GNA14: variants seen among roughly 807,000 people sequenced by gnomAD.
GNA14 encodes guanine nucleotide-binding protein subunit alpha-14.
A neutral mutation model predicts 42.0 loss-of-function variants in GNA14; 50 were observed. The observed-to-expected ratio is 1.19, with a 90% CI of 0.95 to 1.51. The LOEUF (loss-of-function observed/expected upper bound fraction) is 1.51, where lower values mean the gene tolerates loss of function less well. Among genes scored for constraint, GNA14 ranks in the 40% most tolerant of loss-of-function variants. GNA14 has a pLI of 0.00. For missense variants in GNA14, 473 were observed against 446.2 expected, an observed-to-expected ratio of 1.06 and a Z score of -0.54; for synonymous variants, 173 against 163.1, an observed-to-expected ratio of 1.06 and a Z score of -0.46.
intron 1 of GNA14, among the ~76,000 whole-genome samples, chr9:77,585,979 C>T (rs1258445685): frequency 6.6e-6 from 1 of 152,094 alleles, no homozygotes; most frequent in Non-Finnish European, 1.5e-5. Context: ...AACAGTATTT[C>T]TATTTATTTT....
intron 2 of GNA14, among the ~76,000 whole-genome samples, chr9:77,487,468 A>T (rs547869529): frequency 1.0e-4 from 15 of 150,280 alleles, no homozygotes; most frequent in South Asian, 4.3e-4. Context: ...TTCCTTATCT[A>T]TAAAATAGGA....
At chr9:77,552,638 A>G (rs1587827777) in intron 1 of GNA14, among the ~76,000 whole-genome samples, 1 of 152,222 alleles carries the variant, frequency 6.6e-6, no homozygotes, top group Non-Finnish European at 1.5e-5. Flanking sequence ...GTTACCAAAG[A>G]CCCAATTCAC....
At position 77,644,437 on chromosome 9, in the gene GNA14, C is replaced by CAAAAAAAA. The variant is rs764737417; in HGVS notation, c.124+3225_124+3232dup. ...TACTGAACTCCAACCTAAAGAGTGTCAAAAAAAAAAAAAAAAAAAAAAAAA... is the reference window on the plus strand; with the variant it reads ...TACTGAACTCCAACCTAAAGAGTGTCAAAAAAAAAAAAAAAAAAAAAAAAAAAAAAAAA... On this transcript the variant is annotated intron_variant, in intron 1 of 6. Coordinates refer to ENST00000341700, the MANE Select transcript of GNA14 (RefSeq NM_004297.4). 5.9e-4 allele frequency among the ~76,000 whole-genome samples: 20 copies of CAAAAAAAA among 34,020 alleles called. 1 individual carries two copies. The highest frequency in any genetic ancestry group is 1.6e-3 in the African/African-American group (14 of 8,580). The allele number at this position is 34,020 out of a possible 152,430, so 22.3% of individuals were successfully genotyped here. A position where few individuals can be genotyped will look rare whatever the true frequency, so the allele number is the denominator to read the frequency against.
At chr9:77,622,007 T>C (rs1358849711) in intron 1 of GNA14, among the ~76,000 whole-genome samples, 1 of 152,194 alleles carries the variant, frequency 6.6e-6, no homozygotes, top group African/African-American at 2.4e-5. Context: ...CTCACCGCAA[T>C]CTTGAATCCC....
intron 1 of GNA14, among the ~76,000 whole-genome samples, chr9:77,609,424 CA>C (rs1823694654): frequency 6.6e-6 from 1 of 152,244 alleles, no homozygotes; most frequent in Middle Eastern, 3.4e-3. Flanking sequence ...AAGCCCTCAC[CA>C]AAATTGCCTT....
Position 77,569,561 on chromosome 9 carries a change from G to C in GNA14, c.125-40308C>G, listed in dbSNP as rs186231275. Among the ~76,000 whole-genome samples, 270 of 152,250 alleles carry C rather than the reference G, an allele frequency of 1.8e-3. 2 individuals are homozygous for C. The Middle Eastern group carries it at 0.024, about 14-fold the overall frequency. ...GTCAGAGGGAGACAACTCCACAGGAGACCACTCGGTATAGTGAGTTCCACC... is the reference window on the plus strand; with the variant it reads ...GTCAGAGGGAGACAACTCCACAGGACACCACTCGGTATAGTGAGTTCCACC... On this transcript the variant is annotated intron_variant, in intron 1 of 6. Coordinates refer to ENST00000341700, the MANE Select transcript of GNA14 (RefSeq NM_004297.4).
At chr9:77,578,318 G>T (rs1225872167) in intron 1 of GNA14, among the ~76,000 whole-genome samples, 1 of 152,100 alleles carries the variant, frequency 6.6e-6, no homozygotes, top group Non-Finnish European at 1.5e-5. Context: ...AGTCTTGCTT[G>T]CCTTTTATCT....
At chr9:77,446,638 G>A (rs7042331) in intron 2 of GNA14, among the ~76,000 whole-genome samples, 1 of 152,146 alleles carries the variant, frequency 6.6e-6, no homozygotes, top group African/African-American at 2.4e-5. Flanking sequence ...GAGAAGGGGT[G>A]GGGGGAGATG....
chr9:77,607,003 G>A (rs969192341), intron 1 of GNA14, among the ~76,000 whole-genome samples: 3 of 152,096 alleles, frequency 2.0e-5, no homozygotes, highest in Admixed American at 6.6e-5. Flanking sequence ...ACCAGAACCC[G>A]AATATGGTGG....
Position 77,467,000 on chromosome 9 carries a change from G to GGTGTGTGTGTGTGT in GNA14, c.310-32492_310-32479dup, listed in dbSNP as rs59321037. Among the ~76,000 whole-genome samples the GGTGTGTGTGTGTGT allele has an allele frequency of 1.5e-3, 213 of 143,612 alleles. 3 individuals carry two copies. In the Middle Eastern group the frequency reaches 0.017, roughly 12 times the overall value. 94.2% of individuals were successfully genotyped at this position (143,612 alleles called of 152,430 possible). On this transcript the variant is annotated intron_variant, in intron 2 of 6. Coordinates refer to ENST00000341700, the MANE Select transcript of GNA14 (RefSeq NM_004297.4). ...AGGGTTTTTTTGCCTTTTACCACTC[G>GGTGTGTGTGTGTGT]GTGTGTGTGTGTGTGTGTGTGTGTG... is the stretch of plus-strand genomic sequence containing the variant.
At chr9:77,431,941 A>G (rs2131689883) in intron 3 of GNA14, among the ~76,000 whole-genome samples, 1 of 152,348 alleles carries the variant, frequency 6.6e-6, no homozygotes, top group Non-Finnish European at 1.5e-5. Flanking sequence ...CAGGCCGAGG[A>G]GAAATTCAAA....
At chr9:77,566,738 T>C (rs1039809346) in intron 1 of GNA14, among the ~76,000 whole-genome samples, 1 of 152,098 alleles carries the variant, frequency 6.6e-6, no homozygotes, top group African/African-American at 2.4e-5. Context: ...TATTTGGAAG[T>C]TTTAATCTAC....
chr9:77,574,993 T>C (rs1366675085), intron 1 of GNA14, among the ~76,000 whole-genome samples: 2 of 152,166 alleles, frequency 1.3e-5, no homozygotes, highest in Non-Finnish European at 2.9e-5. Flanking sequence ...GTCTACCCTG[T>C]AGGGGGGAAG....
At chr9:77,575,272 A>G (rs527560030) in intron 1 of GNA14, among the ~76,000 whole-genome samples, 1 of 152,254 alleles carries the variant, frequency 6.6e-6, no homozygotes, top group South Asian at 2.1e-4. Flanking sequence ...AATCCCAGCT[A>G]CTCAGAAGCG....
intron 1 of GNA14, among the ~76,000 whole-genome samples, chr9:77,622,585 G>A (rs1318948795): frequency 6.6e-6 from 1 of 151,678 alleles, no homozygotes; most frequent in South Asian, 2.1e-4. Flanking sequence ...TGGCTAAAAT[G>A]TTGAAACCTC....
At chr9:77,519,525 A>C (rs1414765071) in intron 2 of GNA14, among the ~76,000 whole-genome samples, 1 of 152,182 alleles carries the variant, frequency 6.6e-6, no homozygotes, top group African/African-American at 2.4e-5. Context: ...CCCTACCACC[A>C]ATTTTTTTTA....
At chr9:77,579,509 G>A (rs184054489) in intron 1 of GNA14, among the ~76,000 whole-genome samples, 9 of 152,202 alleles carry the variant, frequency 5.9e-5, no homozygotes, top group Admixed American at 5.9e-4. Context: ...AGTTGCTCCA[G>A]TTTTATAAAG....
intron 1 of GNA14, among the ~76,000 whole-genome samples, chr9:77,639,868 T>C (rs949888033): frequency 2.6e-5 from 4 of 152,216 alleles, no homozygotes; most frequent in African/African-American, 9.6e-5. Context: ...AGAGAGCCAA[T>C]CTTCATAATG....
intron 2 of GNA14, among the ~76,000 whole-genome samples, chr9:77,483,903 A>G (rs1324119263): frequency 6.6e-6 from 1 of 151,862 alleles, no homozygotes; most frequent in African/African-American, 2.4e-5. Context: ...TCAAAAAACA[A>G]ACACAAAATA....
Sources: gnomAD v4.1 joint callset for allele counts (sites outside exome capture counted in the v4.1 genomes callset) on GRCh38, gnomAD v4.1.1 for gene constraint, MANE v1.5 for transcripts, NCBI Gene and HGNC (gene_info 2026-07-23, HGNC 2026-07-21) for gene names.